The following OOEP variants were observed in gnomAD, a reference collection of about 807,000 sequenced individuals.
OOEP encodes the protein oocyte expressed protein.
OOEP carries 16 observed loss-of-function variants against 13.7 expected under a neutral mutation model. That is an observed-to-expected ratio of 1.16 (90% CI 0.79 to 1.77). The LOEUF is 1.77. OOEP is among the 40% of genes most tolerant of loss of function. OOEP has a pLI of 0.00. For missense variants in OOEP, 195 were observed against 193.1 expected (o/e 1.01, Z -0.06); for synonymous variants, 89 against 77.1 (o/e 1.15, Z -0.81).
At chr6:73,389,993 T>C (rs1028510908) in intron 2 of OOEP, among the ~76,000 whole-genome samples, 3 of 152,102 alleles carry the variant, frequency 2.0e-5, no homozygotes, top group African/African-American at 2.4e-5. Flanking sequence ...ACCAGCCTGG[T>C]TGGCATAGTG....
At chr6:73,382,532 T>C (rs960101533) in intron 2 of OOEP, among the ~76,000 whole-genome samples, 2 of 151,898 alleles carry the variant, frequency 1.3e-5, no homozygotes, top group African/African-American at 4.8e-5. Flanking sequence ...GGCTAATTTT[T>C]AAATTTTTTG....
intron 2 of OOEP, among the ~76,000 whole-genome samples, chr6:73,386,389 G>A (rs923855711): frequency 1.3e-5 from 2 of 150,886 alleles, no homozygotes; most frequent in Non-Finnish European, 3.0e-5. Flanking sequence ...CCCCCAGACC[G>A]GGCCAACAAC....
exon 1 of OOEP, chr6:73,394,939 A>C (rs1769431775): frequency 6.2e-7 from 1 of 1,614,116 alleles, no homozygotes; most frequent in Non-Finnish European, 8.5e-7. Flanking sequence ...CAAGGCCTCT[A>C]CGTGGGTCGT....
At chr6:73,394,331 G>A in intron 2 of OOEP, 1 of 715,774 alleles carries the variant, frequency 1.4e-6, no homozygotes, top group Non-Finnish European at 2.6e-6. Context: ...GGGTCACCTT[G>A]TAACAGTGAC....
chr6:73,384,948 T>G (rs1361264318), intron 2 of OOEP, among the ~76,000 whole-genome samples: 1 of 151,414 alleles, frequency 6.6e-6, no homozygotes, highest in Non-Finnish European at 1.5e-5. Context: ...TGTTGCCCAG[T>G]CTGCTCTTGA....
intron 1 of OOEP, chr6:73,394,492 T>A: frequency 1.6e-6 from 1 of 631,624 alleles, no homozygotes; most frequent in Non-Finnish European, 2.8e-6. Context: ...CCCGTCTCTA[T>A]TTAAAAAGAA....
chr6:73,381,811 G>A (rs1457433491), intron 2 of OOEP, among the ~76,000 whole-genome samples: 1 of 152,072 alleles, frequency 6.6e-6, no homozygotes, highest in Non-Finnish European at 1.5e-5. Flanking sequence ...CGAAACCCAT[G>A]TCTACTAAAA....
chr6:73,386,568 G>A (rs1470880980), intron 2 of OOEP, among the ~76,000 whole-genome samples: 1 of 152,154 alleles, frequency 6.6e-6, no homozygotes, highest in South Asian at 2.1e-4. Flanking sequence ...CTTGATGAAA[G>A]AATTAAAGAT....
At chr6:73,376,453 T>C (rs1769140677) in intron 2 of OOEP, among the ~76,000 whole-genome samples, 1 of 131,608 alleles carries the variant, frequency 7.6e-6, no homozygotes. Flanking sequence ...TCCTTATACA[T>C]ACAGCCCAAC....
Position 73,393,284 on chromosome 6 carries a change from G to GT in OOEP, c.25+1061dup, listed in dbSNP as rs138562096. Among the ~76,000 whole-genome samples the GT allele has an allele frequency of 3.8e-3, 571 of 152,026 alleles. 6 individuals carry two copies. Among genetic ancestry groups the GT allele is most frequent in the African/African-American group, 0.013 (522 of 41,458 alleles). On this transcript the variant is annotated intron_variant, in intron 2 of 3. Coordinates refer to the OOEP transcript ENST00000370363. Reference sequence around the variant, plus strand: ...AGCCTGTACCACCACACCCGGCAGGGTCTCACTATGTTACCCAGACTGATG... The same window carrying GT: ...AGCCTGTACCACCACACCCGGCAGGGTTCTCACTATGTTACCCAGACTGATG...
intron 2 of OOEP, among the ~76,000 whole-genome samples, chr6:73,384,570 C>T (rs1360578240): frequency 1.3e-5 from 2 of 152,032 alleles, no homozygotes; most frequent in Non-Finnish European, 2.9e-5. Context: ...CATGGTGGCT[C>T]ATGCTGGTAA....
intron 2 of OOEP, among the ~76,000 whole-genome samples, chr6:73,378,826 T>C (rs1340540122): frequency 6.6e-6 from 1 of 150,566 alleles, no homozygotes; most frequent in East Asian, 2.0e-4. Context: ...ATTTCACCAC[T>C]GCACTCCAGC....
At chr6:73,395,141 T>C, upstream of OOEP, 3 of 1,612,952 alleles carry the variant, frequency 1.9e-6, no homozygotes, top group Non-Finnish European at 2.5e-6. Flanking sequence ...AGCCACTTTG[T>C]TGGCGCGGTA....
rs752945451 is a variant in OOEP, at chr6:73,369,324, G to A, written c.252C>T (p.Asp84=). ...EWTSQALLTV[D]IVDSGNLVEI... is the part of the protein sequence containing the mutation. ...CGACTAGGTTCCCTGAGTCCACTAT[G>A]TCCACTGTCAGCAGGGCCTGGCTCG... The change falls in exon 2 of 3, where the codon GAC becomes GAT. Residue 84 remains aspartate, a synonymous_variant. Coordinates refer to ENST00000370359, the MANE Select transcript of OOEP (RefSeq NM_001080507.3). The A allele has an allele frequency of 1.2e-6, 2 of 1,613,826 alleles. No homozygotes were observed. Among genetic ancestry groups the A allele is most frequent in the Non-Finnish European group, 1.7e-6 (2 of 1,179,850 alleles).
Position 73,368,613 on chromosome 6 carries a change from C to T in OOEP, c.*171G>A, listed in dbSNP as rs41265517. ...GATCTTAATGCTTTTGGCAAAATAG[C>T]CATTTCTTTATTAGAATAGTTCAAA... On this transcript the variant is annotated 3_prime_UTR_variant, in exon 3 of 3. Coordinates refer to ENST00000370359, the MANE Select transcript of OOEP (RefSeq NM_001080507.3). 2,200 of 555,120 alleles carry T rather than the reference C, an allele frequency of 4.0e-3. 8 individuals are homozygous for T. The highest frequency in any genetic ancestry group is 0.019 in the Middle Eastern group (40 of 2,086). The allele number at this position is 555,120 out of a possible 1,614,324, so 34.4% of individuals were successfully genotyped here.
At position 73,368,775 on chromosome 6, in the gene OOEP, T is replaced by C. The variant is rs948968849; in HGVS notation, c.*9A>G. The C allele has an allele frequency of 4.4e-6, 7 of 1,584,146 alleles. No individual in the cohort carries two copies. The African/African-American group carries it at 8.1e-5, about 18-fold the overall frequency. On this transcript the variant is annotated 3_prime_UTR_variant, in exon 3 of 3. Coordinates refer to ENST00000370359, the MANE Select transcript of OOEP (RefSeq NM_001080507.3). The stretch of plus-strand genomic sequence containing the variant: ...AAGTTAAGATGTTCCCAACAGTAAC[T>C]ATGTTGTCTTAAGCAACAGGATCCT...
At chr6:73,388,099 A>G (rs1045630818) in intron 2 of OOEP, among the ~76,000 whole-genome samples, 2 of 152,128 alleles carry the variant, frequency 1.3e-5, no homozygotes, top group Non-Finnish European at 2.9e-5. Context: ...CTGGTGCCAA[A>G]CTCCTGATCT....
At chr6:73,373,410 G>C (rs1769091648), upstream of OOEP, 2 of 809,852 alleles carry the variant, frequency 2.5e-6, no homozygotes, top group Non-Finnish European at 4.1e-6. Flanking sequence ...CTGGGTAGCT[G>C]AGGCAGGTGC....
At chr6:73,394,779 G>C in exon 1 of OOEP, 1 of 1,383,722 alleles carries the variant, frequency 7.2e-7, no homozygotes, top group Non-Finnish European at 9.7e-7. Flanking sequence ...GGGCGGGGGG[G>C]CTAGCCTCGT....
Sources: allele counts gnomAD v4.1 joint callset (sites outside exome capture counted in the v4.1 genomes callset), GRCh38; gene constraint gnomAD v4.1.1; transcripts MANE v1.5; gene names NCBI Gene and HGNC (gene_info 2026-07-23, HGNC 2026-07-21).